The following ADAMTS6 variants were observed in gnomAD, a reference collection of about 807,000 sequenced individuals.
The protein encoded by ADAMTS6 is ADAM metallopeptidase with thrombospondin type 1 motif 6.
Under a neutral mutation model 144.3 loss-of-function variants are expected in ADAMTS6, and 23 were observed. That is an observed-to-expected ratio of 0.16 (90% CI 0.11 to 0.23). The LOEUF (loss-of-function observed/expected upper bound fraction) is 0.23, where lower values mean the gene tolerates loss of function less well. Among genes scored for constraint, ADAMTS6 ranks in the 10% least tolerant of loss-of-function variants. The probability of loss-of-function intolerance (pLI) is 1.00; values close to 1 mark genes in which losing one functional copy is unlikely to be tolerated. For missense variants in ADAMTS6, 999 were observed against 1,379.6 expected (o/e 0.72, Z 4.37); for synonymous variants, 444 against 457.5 (o/e 0.97, Z 0.38).
At chr5:65,191,162 T>G (rs1754996802) in intron 21 of ADAMTS6, among the ~76,000 whole-genome samples, 1 of 152,128 alleles carries the variant, frequency 6.6e-6, no homozygotes, top group Non-Finnish European at 1.5e-5. Context: ...TGTCTTTATC[T>G]TCACAAGTCC....
At chr5:65,209,103 G>T (rs1405321767) in intron 20 of ADAMTS6, among the ~76,000 whole-genome samples, 8 of 152,142 alleles carry the variant, frequency 5.3e-5, no homozygotes, top group Non-Finnish European at 1.2e-4. Context: ...ATCAAAGGAT[G>T]AATATACAGT....
intron 7 of ADAMTS6, among the ~76,000 whole-genome samples, chr5:65,355,242 TA>T (rs1340432111): frequency 6.6e-6 from 1 of 151,878 alleles, no homozygotes; most frequent in African/African-American, 2.4e-5. Context: ...AATGGTATGT[TA>T]AAACTGTACA....
chr5:65,175,711 A>T (rs1753935305), intron 22 of ADAMTS6, among the ~76,000 whole-genome samples: 1 of 152,182 alleles, frequency 6.6e-6, no homozygotes, highest in African/African-American at 2.4e-5. Context: ...TAAGGAAAAA[A>T]AAAAAAGGAT....
At chr5:65,319,685 G>GGGAA (rs1561418258) in intron 9 of ADAMTS6, among the ~76,000 whole-genome samples, 2 of 104,436 alleles carry the variant, frequency 1.9e-5, no homozygotes, top group East Asian at 6.8e-4. Context: ...GAGGGAGGGA[G>GGGAA]GGAAGGAAGG....
At chr5:65,268,882 A>G (rs1341197050) in intron 12 of ADAMTS6, among the ~76,000 whole-genome samples, 3 of 152,192 alleles carry the variant, frequency 2.0e-5, no homozygotes, top group African/African-American at 7.2e-5. Flanking sequence ...GGATATGTCT[A>G]TGCTATCACT....
At chr5:65,274,916 C>G (rs1304313367) in intron 11 of ADAMTS6, among the ~76,000 whole-genome samples, 1 of 152,098 alleles carries the variant, frequency 6.6e-6, no homozygotes, top group Non-Finnish European at 1.5e-5. Context: ...AACTCCTGAC[C>G]TCGTGATCTG....
At chr5:65,342,280 G>A (rs1554073269) in intron 7 of ADAMTS6, among the ~76,000 whole-genome samples, 1 of 152,116 alleles carries the variant, frequency 6.6e-6, no homozygotes, top group South Asian at 2.1e-4. Context: ...CCATGTGGCT[G>A]GGGAGGCCTC....
chr5:65,442,496 C>T (rs1022589963), intron 7 of ADAMTS6, among the ~76,000 whole-genome samples: 1 of 152,050 alleles, frequency 6.6e-6, no homozygotes, highest in Non-Finnish European at 1.5e-5. Context: ...CAATTCTATA[C>T]AAACTCTTCC....
At chr5:65,263,444 C>T (rs992345161) in intron 12 of ADAMTS6, among the ~76,000 whole-genome samples, 1 of 144,906 alleles carries the variant, frequency 6.9e-6, no homozygotes, top group Admixed American at 6.9e-5. Context: ...CCGGTTGAGG[C>T]TACAATAGTA....
intron 18 of ADAMTS6, among the ~76,000 whole-genome samples, chr5:65,220,449 GAA>G (rs1311986106): frequency 6.6e-6 from 1 of 152,028 alleles, no homozygotes; most frequent in African/African-American, 2.4e-5. Flanking sequence ...GAAACAAACA[GAA>G]GAGTGGGAAT....
chr5:65,425,908 C>T (rs1340005347), intron 7 of ADAMTS6, among the ~76,000 whole-genome samples: 17 of 151,972 alleles, frequency 1.1e-4, no homozygotes, highest in Non-Finnish European at 1.6e-4. Flanking sequence ...GGACTACAGG[C>T]GCCCACCACC....
chr5:65,282,912 A>C (rs1264145181), intron 11 of ADAMTS6, among the ~76,000 whole-genome samples: 1 of 152,092 alleles, frequency 6.6e-6, no homozygotes. Flanking sequence ...TTGTTGGTTT[A>C]CAGCTGCTGG....
At chr5:65,345,074 T>C (rs1748188783) in intron 7 of ADAMTS6, among the ~76,000 whole-genome samples, 1 of 151,848 alleles carries the variant, frequency 6.6e-6, no homozygotes, top group African/African-American at 2.4e-5. Flanking sequence ...TGGTCTCTGT[T>C]GCTCTCGATT....
intron 12 of ADAMTS6, among the ~76,000 whole-genome samples, chr5:65,263,246 G>T (rs1029430112): frequency 6.6e-6 from 1 of 151,982 alleles, no homozygotes; most frequent in Non-Finnish European, 1.5e-5. Context: ...TTGACTTTTA[G>T]TGTTTCTCAT....
intron 11 of ADAMTS6, among the ~76,000 whole-genome samples, chr5:65,281,125 T>C (rs920698649): frequency 1.3e-5 from 2 of 152,204 alleles, no homozygotes; most frequent in African/African-American, 4.8e-5. Flanking sequence ...GTAATCTCTT[T>C]AGAAAATGTG....
At chr5:65,170,194 C>A (rs1428032360) in intron 24 of ADAMTS6, among the ~76,000 whole-genome samples, 3 of 152,170 alleles carry the variant, frequency 2.0e-5, no homozygotes, top group African/African-American at 7.2e-5. Context: ...CATATGCTTT[C>A]ATTATATGTA....
At position 65,403,062 on chromosome 5, in the gene ADAMTS6, T is replaced by C. The variant is rs113350354; in HGVS notation, c.1073+48413A>G. On this transcript the variant is annotated intron_variant, in intron 7 of 24. Transcript: ENST00000381055. ...TCATCAATAGCTCCATCCCTCCTAA[T>C]ACAATAATGAATTTTAAGGCCTCAT... Among the ~76,000 whole-genome samples, 829 of 152,202 alleles carry C rather than the reference T, an allele frequency of 5.4e-3. 4 individuals are homozygous for C. Among genetic ancestry groups the C allele is most frequent in the Middle Eastern group, 0.014 (4 of 294 alleles).
intron 7 of ADAMTS6, among the ~76,000 whole-genome samples, chr5:65,341,847 G>A (rs1047018035): frequency 3.9e-5 from 6 of 151,960 alleles, no homozygotes; most frequent in African/African-American, 1.2e-4. Flanking sequence ...ATTCTATGAG[G>A]CCACCATAAC....
intron 7 of ADAMTS6, chr5:65,416,346 T>G (rs1470561968): frequency 6.6e-6 from 1 of 152,490 alleles, no homozygotes; most frequent in Non-Finnish European, 1.5e-5. Context: ...AAGATGGAAA[T>G]GTAAAATAAT....
Sources: gnomAD v4.1 joint callset for allele counts (sites outside exome capture counted in the v4.1 genomes callset) on GRCh38, gnomAD v4.1.1 for gene constraint, MANE v1.5 for transcripts, NCBI Gene and HGNC (gene_info 2026-07-23, HGNC 2026-07-21) for gene names.